Variants in PARD3 observed in about 807,000 individuals in gnomAD.
PARD3 encodes par-3 family cell polarity regulator, also known as partitioning defective 3 homolog.
A neutral mutation model predicts 155.4 loss-of-function variants in PARD3; 75 were observed. The ratio of observed to expected loss-of-function variants is 0.48; its 90% CI spans 0.40 to 0.58. The LOEUF is 0.58. Ranked by LOEUF, PARD3 falls within the 20% of genes least tolerant of loss-of-function variation. The pLI is 0.00. For missense variants in PARD3, 1,642 were observed against 1,721.7 expected (o/e 0.95, Z 0.82); for synonymous variants, 576 against 610.5 (o/e 0.94, Z 0.83).
intron 19 of PARD3, among the ~76,000 whole-genome samples, chr10:34,326,125 T>TAAAAAAA (rs979390862): frequency 9.2e-6 from 1 of 108,882 alleles, no homozygotes; most frequent in African/African-American, 3.3e-5. Flanking sequence ...ACACTCTTTC[T>TAAAAAAA]AAAAAAAAAA....
At chr10:34,177,503 A>G (rs935737535) in intron 22 of PARD3, among the ~76,000 whole-genome samples, 1 of 152,248 alleles carries the variant, frequency 6.6e-6, no homozygotes, top group Non-Finnish European at 1.5e-5. Context: ...CCTCTACCTT[A>G]GACAAAGTAA....
At chr10:34,538,045 TAATA>T (rs1420635827) in intron 2 of PARD3, among the ~76,000 whole-genome samples, 2 of 152,172 alleles carry the variant, frequency 1.3e-5, no homozygotes, top group Non-Finnish European at 2.9e-5. Context: ...ATCCTAAGTG[TAATA>T]AATGAACAAA....
At position 34,661,524 on chromosome 10, in the gene PARD3, G is replaced by GA. The variant is rs1014519093; in HGVS notation, c.222+34793dup. ...ATCAATACAAAGCAACCTGGGAGGG[G>GA]AAAAACGGGCAAATCTATTTTCTAC... On this transcript the variant is annotated intron_variant, in intron 2 of 24. Transcript: ENST00000374788. 8.5e-5 allele frequency among the ~76,000 whole-genome samples: 13 copies of GA among 152,104 alleles called. 1 individual carries two copies. Among genetic ancestry groups the GA allele is most frequent in the Admixed American group, 8.5e-4 (13 of 15,272 alleles).
At chr10:34,213,728 A>G (rs1474363094) in intron 22 of PARD3, among the ~76,000 whole-genome samples, 1 of 152,210 alleles carries the variant, frequency 6.6e-6, no homozygotes, top group Non-Finnish European at 1.5e-5. Flanking sequence ...AAGGCAAGGT[A>G]AAACCACTGC....
intron 3 of PARD3, among the ~76,000 whole-genome samples, chr10:34,471,298 T>C (rs954946200): frequency 1.3e-5 from 2 of 152,182 alleles, no homozygotes; most frequent in Non-Finnish European, 2.9e-5. Flanking sequence ...AGGTGAACAT[T>C]TGTATCATTA....
At chr10:34,738,599 C>T (rs1406284287) in intron 1 of PARD3, among the ~76,000 whole-genome samples, 2 of 152,184 alleles carry the variant, frequency 1.3e-5, no homozygotes, top group Non-Finnish European at 2.9e-5. Flanking sequence ...TAAAAATTAA[C>T]CAGGCATGGT....
chr10:34,374,726 AATG>A, intron 11 of PARD3, 145 bp downstream of exon 11: 1 of 758,116 alleles, frequency 1.3e-6, no homozygotes, highest in East Asian at 2.5e-5. Flanking sequence ...TAGAGAAAAG[AATG>A]TTTGTATTCA....
chr10:34,117,342 G>A (rs1329483947), intron 24 of PARD3, among the ~76,000 whole-genome samples: 1 of 152,162 alleles, frequency 6.6e-6, no homozygotes, highest in African/African-American at 2.4e-5. Context: ...TGGCCCACCC[G>A]TGTGGTCGTG....
At chr10:34,750,739 A>G (rs1835926285) in intron 1 of PARD3, among the ~76,000 whole-genome samples, 1 of 147,030 alleles carries the variant, frequency 6.8e-6, no homozygotes. Flanking sequence ...CTCAGGCTGG[A>G]GTGCAGTGGC....
chr10:34,769,799 C>CAAA lies in PARD3; in HGVS notation c.120+45074_120+45076dup, dbSNP rs372925164. Among the ~76,000 whole-genome samples the CAAA allele has an allele frequency of 4.8e-4, 32 of 66,632 alleles. 1 individual carries two copies. Among genetic ancestry groups the CAAA allele is most frequent in the African/African-American group, 1.8e-3 (29 of 16,274 alleles). The allele number at this position is 66,632 out of a possible 152,430, so 43.7% of individuals were successfully genotyped here. On this transcript the variant is annotated intron_variant, in intron 1 of 24. Transcript: ENST00000374788. ...ACAAACAAACAAACGAACAAAAAAA[C>CAAA]AAAACAAAAAAAAAAACAAGAAAAC...
intron 22 of PARD3, among the ~76,000 whole-genome samples, chr10:34,134,384 T>A (rs1228920961): frequency 6.6e-6 from 1 of 152,230 alleles, no homozygotes; most frequent in African/African-American, 2.4e-5. Context: ...ATTCTTCTGT[T>A]ATTTTCATGC....
At chr10:34,653,206 C>T (rs939167191) in intron 2 of PARD3, among the ~76,000 whole-genome samples, 1 of 151,942 alleles carries the variant, frequency 6.6e-6, no homozygotes, top group Non-Finnish European at 1.5e-5. Flanking sequence ...AAATTACGTT[C>T]GAACATTAAA....
At chr10:34,688,924 T>C (rs1354457963) in intron 2 of PARD3, among the ~76,000 whole-genome samples, 1 of 152,196 alleles carries the variant, frequency 6.6e-6, no homozygotes, top group Non-Finnish European at 1.5e-5. Context: ...CAAGAGCATC[T>C]TCCCTGCTAC....
chr10:34,670,092 T>C (rs2093581467), intron 2 of PARD3, among the ~76,000 whole-genome samples: 1 of 152,336 alleles, frequency 6.6e-6, no homozygotes, highest in South Asian at 2.1e-4. Context: ...CTTTTTAATT[T>C]TGACCCCAAA....
At chr10:34,600,574 GA>G (rs973597873) in intron 2 of PARD3, among the ~76,000 whole-genome samples, 3 of 152,118 alleles carry the variant, frequency 2.0e-5, no homozygotes, top group African/African-American at 7.2e-5. Context: ...TTAAGCCAAG[GA>G]AAGGGAGGTA....
At chr10:34,635,710 G>C (rs1331295811) in intron 2 of PARD3, among the ~76,000 whole-genome samples, 1 of 152,190 alleles carries the variant, frequency 6.6e-6, no homozygotes, top group Non-Finnish European at 1.5e-5. Flanking sequence ...AATCTTAAAG[G>C]ATGATGTAGG....
chr10:34,498,910 A>G (rs1396613683), intron 3 of PARD3, among the ~76,000 whole-genome samples: 1 of 152,182 alleles, frequency 6.6e-6, no homozygotes, highest in African/African-American at 2.4e-5. Flanking sequence ...ACATACACAC[A>G]CTCCTACCTT....
intron 22 of PARD3, among the ~76,000 whole-genome samples, chr10:34,261,729 G>GAAGGAAGA (rs1554820264): frequency 0.019 from 1,087 of 56,634 alleles, 15 homozygotes; most frequent in Non-Finnish European, 0.024. Flanking sequence ...AGGAAGAAAG[G>GAAGGAAGA]AAGGAAGAAA....
At chr10:34,347,374 C>A (rs1460411459) in intron 15 of PARD3, among the ~76,000 whole-genome samples, 1 of 152,180 alleles carries the variant, frequency 6.6e-6, no homozygotes, top group Non-Finnish European at 1.5e-5. Context: ...CACTGGGGGC[C>A]ATGCAGATAG....
Sources: allele counts gnomAD v4.1 joint callset (sites outside exome capture counted in the v4.1 genomes callset), GRCh38; gene constraint gnomAD v4.1.1; transcripts MANE v1.5; gene names NCBI Gene and HGNC (gene_info 2026-07-23, HGNC 2026-07-21).